Variants in DNM1L observed in about 807,000 individuals in gnomAD.
DNM1L encodes dynamin-1-like protein.
In DNM1L, 33 loss-of-function variants were observed where a neutral mutation model predicts 92.8. The ratio of observed to expected loss-of-function variants is 0.36; its 90% CI spans 0.27 to 0.48. The LOEUF (loss-of-function observed/expected upper bound fraction) is 0.48, where lower values mean the gene tolerates loss of function less well. Ranked by LOEUF, DNM1L falls within the 20% of genes least tolerant of loss-of-function variation. DNM1L has a pLI of 0.99. For missense variants in DNM1L, 485 were observed against 888.8 expected, an observed-to-expected ratio of 0.55 and a Z score of 5.78; for synonymous variants, 284 against 305.0, an observed-to-expected ratio of 0.93 and a Z score of 0.72.
chr12:32,690,762 G>A (rs192559074), intron 1 of DNM1L, among the ~76,000 whole-genome samples: 2 of 152,248 alleles, frequency 1.3e-5, no homozygotes, highest in African/African-American at 2.4e-5. Context: ...TTCGATTAAT[G>A]TTAGCCATTA....
chr12:32,713,878 C>T (rs7971794), intron 6 of DNM1L, among the ~76,000 whole-genome samples: 23,405 of 152,082 alleles, frequency 0.15, 1,900 homozygotes, highest in Middle Eastern at 0.21. Context: ...ATTATGGTAT[C>T]TACATTCTGC....
intron 16 of DNM1L, among the ~76,000 whole-genome samples, chr12:32,739,570 G>C (rs1051295953): frequency 2.6e-5 from 4 of 152,184 alleles, no homozygotes; most frequent in African/African-American, 9.6e-5. Flanking sequence ...TGGCATTTTT[G>C]TTGACTATTA....
At chr12:32,692,129 T>C (rs1356286979) in intron 1 of DNM1L, among the ~76,000 whole-genome samples, 1 of 151,910 alleles carries the variant, frequency 6.6e-6, no homozygotes, top group African/African-American at 2.4e-5. Flanking sequence ...TTTCTCTTTT[T>C]TTCTTTTTGG....
chr12:32,741,565 G>A (rs1424507747), intron 18 of DNM1L, among the ~76,000 whole-genome samples: 2 of 152,190 alleles, frequency 1.3e-5, no homozygotes, highest in African/African-American at 2.4e-5. Flanking sequence ...GATTATAGGC[G>A]TGAGCCACTG....
chr12:32,691,253 T>G (rs1952220346), intron 1 of DNM1L, among the ~76,000 whole-genome samples: 1 of 152,148 alleles, frequency 6.6e-6, no homozygotes. Context: ...TAGCCTTGTT[T>G]TTTTTAGATG....
chr12:32,743,405 T>C lies in DNM1L; in HGVS notation c.2206T>C (p.Trp736Arg). 1 of 1,613,968 alleles carries C rather than the reference T, an allele frequency of 6.2e-7. No homozygotes were observed. Among genetic ancestry groups the C allele is most frequent in the Non-Finnish European group, 8.5e-7 (1 of 1,179,978 alleles). Reference sequence around the variant, plus strand: ...TGCTGAAATCCGGGAGACTCATCTTTGGTGAAGAGAACTATGTAATACTGA... The same window carrying C: ...TGCTGAAATCCGGGAGACTCATCTTCGGTGAAGAGAACTATGTAATACTGA... ...IIAEIRETHL[W>R] The change falls in exon 20 of 20, where the codon TGG becomes CGG. Residue 736 changes from tryptophan to arginine, a missense_variant. Trp to Arg is a moderately radical substitution (Grantham distance 101). Transcript: ENST00000549701.
chr12:32,690,943 G>C (rs1952203185), intron 1 of DNM1L, among the ~76,000 whole-genome samples: 2 of 152,134 alleles, frequency 1.3e-5, no homozygotes, highest in Admixed American at 1.3e-4. Context: ...CCAAAGTCTG[G>C]ATTGATTTTA....
chr12:32,735,175 A>C (rs1441717414), intron 13 of DNM1L, among the ~76,000 whole-genome samples: 1 of 152,228 alleles, frequency 6.6e-6, no homozygotes, highest in African/African-American at 2.4e-5. Flanking sequence ...TTTTTCTACA[A>C]ATGAATAGGT....
At position 32,741,474 on chromosome 12, in the gene DNM1L, C is replaced by T. The variant is rs148235281; in HGVS notation, c.1994+956C>T. Among the ~76,000 whole-genome samples, 1,331 of 152,146 alleles carry T rather than the reference C, an allele frequency of 8.7e-3. 10 individuals carry two copies. Among genetic ancestry groups the T allele is most frequent in the Non-Finnish European group, 0.014 (927 of 67,978 alleles). On this transcript the variant is annotated intron_variant, in intron 18 of 19. Transcript: ENST00000549701. ...CTAATTTTTGTATTTTTAGTAGAGA[C>T]GGGTTTCACCATGTTGGCCAGGCTG...
intron 16 of DNM1L, among the ~76,000 whole-genome samples, chr12:32,738,682 A>G (rs1285864941): frequency 1.3e-5 from 2 of 152,130 alleles, no homozygotes; most frequent in African/African-American, 4.8e-5. Context: ...TGCACTTGTT[A>G]CCCTATATAT....
intron 8 of DNM1L, among the ~76,000 whole-genome samples, chr12:32,722,184 G>A (rs1354756726): frequency 6.6e-6 from 1 of 152,118 alleles, no homozygotes; most frequent in Non-Finnish European, 1.5e-5. Context: ...GGGACCCCCA[G>A]CCACCAGTCA....
At chr12:32,712,784 C>T (rs1014763867) in intron 5 of DNM1L, among the ~76,000 whole-genome samples, 5 of 151,156 alleles carry the variant, frequency 3.3e-5, no homozygotes, top group Non-Finnish European at 1.5e-5. Context: ...TTATTATATG[C>T]GTGTTATTAC....
intron 2 of DNM1L, among the ~76,000 whole-genome samples, chr12:32,703,327 G>A (rs1021344852): frequency 6.6e-6 from 1 of 151,654 alleles, no homozygotes; most frequent in Non-Finnish European, 1.5e-5. Context: ...TGCTGATTTT[G>A]TATATATATT....
intron 19 of DNM1L, 119 bp downstream of exon 19, chr12:32,742,867 C>G: frequency 1.2e-6 from 1 of 859,984 alleles, no homozygotes; most frequent in Non-Finnish European, 1.8e-6. Flanking sequence ...GGCTTGTTTC[C>G]TGTTGGTACT....
chr12:32,679,358 A>G lies in DNM1L; in HGVS notation c.-6A>G, dbSNP rs1283164475. On this transcript the variant is annotated 5_prime_UTR_variant, in exon 1 of 20. Transcript: ENST00000549701. ...GCGGGCACTGGGGCCCCGTGTTTTC[A>G]GAGTCATGGAGGCGCTAATTCCTGT... 6.8e-6 allele frequency: 11 copies of G among 1,611,002 alleles called. No homozygotes were observed. The highest frequency in any genetic ancestry group is 2.2e-5 in the South Asian group (2 of 90,884).
intron 18 of DNM1L, 108 bp from the exon 19 acceptor site, chr12:32,742,481 A>C: frequency 7.5e-7 from 1 of 1,336,170 alleles, no homozygotes; most frequent in South Asian, 1.2e-5. Flanking sequence ...GAAATATCCA[A>C]AGTAGTAGTG....
chr12:32,717,819 A>G (rs1313696323), intron 6 of DNM1L, among the ~76,000 whole-genome samples: 1 of 86,848 alleles, frequency 1.2e-5, no homozygotes, highest in South Asian at 3.0e-4. Flanking sequence ...ATATACTATA[A>G]AATATATATA....
chr12:32,683,188 C>T (rs1053661523), intron 1 of DNM1L, among the ~76,000 whole-genome samples: 2 of 152,106 alleles, frequency 1.3e-5, no homozygotes, highest in Admixed American at 6.6e-5. Context: ...ATTCTATCTT[C>T]AGTAATTCAG....
chr12:32,679,545 C>A, intron 1 of DNM1L, 80 bp downstream of exon 1: 2 of 1,451,950 alleles, frequency 1.4e-6, no homozygotes, highest in Middle Eastern at 2.2e-4. Flanking sequence ...CCCACTCCCG[C>A]GCCAGCGCCC....
Sources: gnomAD v4.1 joint callset for allele counts (sites outside exome capture counted in the v4.1 genomes callset) on GRCh38, gnomAD v4.1.1 for gene constraint, MANE v1.5 for transcripts, NCBI Gene and HGNC (gene_info 2026-07-23, HGNC 2026-07-21) for gene names.